The following EIF4G3 variants were observed in gnomAD, a reference collection of about 807,000 sequenced individuals.
EIF4G3 encodes the protein eukaryotic translation initiation factor 4 gamma 3.
A neutral mutation model predicts 186.4 loss-of-function variants in EIF4G3; 34 were observed. That is an observed-to-expected ratio of 0.18 (90% CI 0.14 to 0.24). The LOEUF (loss-of-function observed/expected upper bound fraction) is 0.24, where lower values mean the gene tolerates loss of function less well. Ranked by LOEUF, EIF4G3 falls within the 10% of genes least tolerant of loss-of-function variation. EIF4G3 has a pLI of 1.00. For missense variants in EIF4G3, 1,536 were observed against 1,948.5 expected (o/e 0.79, Z 3.99); for synonymous variants, 673 against 679.5 (o/e 0.99, Z 0.15).
Position 21,176,238 on chromosome 1 carries a change from G to A in EIF4G3, c.-335C>T, listed in dbSNP as rs1276056435. 2 of 352,960 alleles carry A rather than the reference G, an allele frequency of 5.7e-6. No homozygotes were observed. The highest frequency in any genetic ancestry group is 9.4e-5 in the East Asian group (2 of 21,346). 21.9% of individuals were successfully genotyped at this position (352,960 alleles called of 1,614,324 possible). On this transcript the variant is annotated 5_prime_UTR_variant, in exon 2 of 37. Coordinates refer to ENST00000602326, the MANE Select transcript of EIF4G3 (RefSeq NM_001391906.1). ...GTGAGGAGGGGGGACCGCTGCCGCC[G>A]CCGCCGCCGCCGCCGCCGCCGCCGC...
intron 4 of EIF4G3, among the ~76,000 whole-genome samples, chr1:21,036,539 G>T (rs954745349): frequency 3.9e-5 from 6 of 152,156 alleles, no homozygotes; most frequent in African/African-American, 1.4e-4. Flanking sequence ...GTTACACAGA[G>T]ATGGTATTTC....
At chr1:21,153,725 C>T (rs1331906813) in intron 2 of EIF4G3, among the ~76,000 whole-genome samples, 6 of 152,054 alleles carry the variant, frequency 3.9e-5, no homozygotes, top group African/African-American at 1.4e-4. Flanking sequence ...CCACCACACC[C>T]GACTAATTTT....
intron 29 of EIF4G3, among the ~76,000 whole-genome samples, chr1:20,843,496 G>A (rs554862496): frequency 1.3e-5 from 2 of 151,854 alleles, no homozygotes; most frequent in East Asian, 1.9e-4. Context: ...CAGCCTGGGC[G>A]ACACGGTGAG....
At chr1:20,943,967 ATTTT>A (rs34883265) in intron 13 of EIF4G3, among the ~76,000 whole-genome samples, 22,611 of 64,038 alleles carry the variant, frequency 0.35, 4,659 homozygotes, top group Non-Finnish European at 0.37. Flanking sequence ...ACTTGTCTTT[ATTTT>A]TTTTGTGTGT....
intron 20 of EIF4G3, among the ~76,000 whole-genome samples, chr1:20,877,577 A>G (rs191329986): frequency 9.3e-4 from 142 of 152,310 alleles, no homozygotes; most frequent in Non-Finnish European, 1.6e-3. Context: ...AATCATCCTC[A>G]TTCTATAGCC....
intron 12 of EIF4G3, among the ~76,000 whole-genome samples, chr1:20,956,628 A>AAC (rs1051463482): frequency 6.6e-6 from 1 of 151,700 alleles, no homozygotes; most frequent in African/African-American, 2.4e-5. Context: ...AAAAAAAAAA[A>AAC]AAAAAAAAAC....
chr1:21,081,377 G>A (rs953026530), intron 3 of EIF4G3, among the ~76,000 whole-genome samples: 6 of 152,186 alleles, frequency 3.9e-5, no homozygotes, highest in African/African-American at 1.4e-4. Flanking sequence ...AGGTTGCAGT[G>A]AGCCAAGATC....
At chr1:21,091,918 T>C (rs1477481601) in intron 2 of EIF4G3, among the ~76,000 whole-genome samples, 1 of 152,206 alleles carries the variant, frequency 6.6e-6, no homozygotes, top group East Asian at 1.9e-4. Context: ...TTTCTAAATA[T>C]ACAATCACGT....
intron 32 of EIF4G3, 74 bp from the exon 33 acceptor site, chr1:20,825,272 A>G: frequency 9.1e-7 from 1 of 1,101,168 alleles, no homozygotes; most frequent in East Asian, 2.6e-5. Flanking sequence ...AAAAAAAAAG[A>G]TTTGCTTGAA....
At chr1:21,094,494 C>T (rs1418093965) in intron 2 of EIF4G3, among the ~76,000 whole-genome samples, 3 of 151,716 alleles carry the variant, frequency 2.0e-5, no homozygotes, top group Non-Finnish European at 4.4e-5. Flanking sequence ...AGACGGAAAC[C>T]ATCATTCTCA....
At chr1:21,024,887 TA>T (rs1300643640) in intron 4 of EIF4G3, among the ~76,000 whole-genome samples, 1 of 118,014 alleles carries the variant, frequency 8.5e-6, no homozygotes, top group Non-Finnish European at 1.8e-5. Context: ...TAATTATCAA[TA>T]AAAAAATAAA....
In EIF4G3 at chr1:20,995,392, G is replaced by A. The variant is rs571042743; in HGVS notation, c.177+2209C>T. On this transcript the variant is annotated intron_variant, in intron 7 of 36. Coordinates refer to ENST00000602326, the MANE Select transcript of EIF4G3 (RefSeq NM_001391906.1). ...CTTTTTGTTTGTTTTTGTGTTTTGA[G>A]ATGGGAGTCTTGCTCTGTCGCCCAG... 6.6e-5 allele frequency among the ~76,000 whole-genome samples: 10 copies of A among 152,212 alleles called. No homozygotes were observed. The South Asian group carries it at 2.1e-3, about 32-fold the overall frequency.
chr1:21,067,943 T>G (rs909467547), intron 3 of EIF4G3, among the ~76,000 whole-genome samples: 2 of 151,560 alleles, frequency 1.3e-5, no homozygotes, highest in Non-Finnish European at 2.9e-5. Flanking sequence ...AAACAAAAAA[T>G]AAAATAAAAA....
At chr1:21,124,831 A>T (rs2096997745) in intron 2 of EIF4G3, among the ~76,000 whole-genome samples, 2 of 152,216 alleles carry the variant, frequency 1.3e-5, no homozygotes, top group African/African-American at 4.8e-5. Flanking sequence ...TGTGAAAGCA[A>T]ATACTAAGGA....
intron 25 of EIF4G3, 31 bp downstream of exon 25, chr1:20,857,372 G>A (rs1019354760): frequency 1.3e-6 from 2 of 1,530,498 alleles, no homozygotes; most frequent in Admixed American, 1.7e-5. Context: ...TCAAAGGAGA[G>A]CGTAAATTGT....
At chr1:21,071,277 C>T (rs1023990612) in intron 3 of EIF4G3, among the ~76,000 whole-genome samples, 5 of 152,044 alleles carry the variant, frequency 3.3e-5, no homozygotes, top group Admixed American at 1.3e-4. Context: ...CCGGGCATGA[C>T]GACATGCACC....
At chr1:20,817,843 T>G (rs1557765341) in intron 33 of EIF4G3, among the ~76,000 whole-genome samples, 1 of 151,946 alleles carries the variant, frequency 6.6e-6, no homozygotes, top group Non-Finnish European at 1.5e-5. Flanking sequence ...CTTGGCTATT[T>G]TTTTGTGTTT....
chr1:20,968,887 T>C (rs2075272314), intron 12 of EIF4G3, among the ~76,000 whole-genome samples: 1 of 152,168 alleles, frequency 6.6e-6, no homozygotes, highest in African/African-American at 2.4e-5. Flanking sequence ...CCACGAATTT[T>C]GGTACTGTGG....
intron 29 of EIF4G3, among the ~76,000 whole-genome samples, chr1:20,844,494 T>C (rs1334503412): frequency 1.3e-5 from 2 of 152,094 alleles, no homozygotes; most frequent in Non-Finnish European, 2.9e-5. Flanking sequence ...TTTTAGTGTG[T>C]GTTTTTTTTT....
Sources: allele counts gnomAD v4.1 joint callset (sites outside exome capture counted in the v4.1 genomes callset), GRCh38; gene constraint gnomAD v4.1.1; transcripts MANE v1.5; gene names NCBI Gene and HGNC (gene_info 2026-07-23, HGNC 2026-07-21).